KIF26B: variants seen among roughly 807,000 people sequenced by gnomAD.
The protein encoded by KIF26B is kinesin family member 26B.
In KIF26B, 63 loss-of-function variants were observed where a neutral mutation model predicts 151.2. The observed-to-expected ratio is 0.42, with a 90% CI of 0.34 to 0.51. The LOEUF is 0.51. Among genes scored for constraint, KIF26B ranks in the 20% least tolerant of loss-of-function variants. The probability of loss-of-function intolerance (pLI) is 0.07; values close to 1 mark genes in which losing one functional copy is unlikely to be tolerated. For missense variants in KIF26B, 2,813 were observed against 2,913.6 expected (o/e 0.97, Z 0.79); for synonymous variants, 1,357 against 1,262.1 (o/e 1.08, Z -1.59).
rs868782215 is a variant in KIF26B, at chr1:245,238,734, C to T, written c.465+82051C>T. ...AAATTTAGCTGGGTGTAGTGGCAGG[C>T]GCCTGTAATCTCAGCTACTCGGGAG... On this transcript the variant is annotated intron_variant, in intron 2 of 14. Coordinates refer to ENST00000407071, the MANE Select transcript of KIF26B (RefSeq NM_018012.4). 6.3e-4 allele frequency among the ~76,000 whole-genome samples: 96 copies of T among 151,840 alleles called. 1 individual carries two copies. Among genetic ancestry groups the T allele is most frequent in the Admixed American group, 5.9e-3 (90 of 15,280 alleles).
intron 9 of KIF26B, among the ~76,000 whole-genome samples, chr1:245,617,752 C>T (rs572305390): frequency 4.6e-5 from 7 of 152,230 alleles, no homozygotes; most frequent in East Asian, 1.9e-4. Flanking sequence ...TTCCCATCAC[C>T]GCCTCCGTTT....
chr1:245,205,633 T>C (rs1041725255), intron 2 of KIF26B, among the ~76,000 whole-genome samples: 1 of 152,176 alleles, frequency 6.6e-6, no homozygotes, highest in Non-Finnish European at 1.5e-5. Flanking sequence ...TTCCATGATG[T>C]TCCTGCCACA....
At chr1:245,449,795 A>G (rs951276878) in intron 4 of KIF26B, among the ~76,000 whole-genome samples, 5 of 152,254 alleles carry the variant, frequency 3.3e-5, no homozygotes, top group African/African-American at 1.2e-4. Flanking sequence ...GAGAGGAACA[A>G]TAGACAAACT....
intron 3 of KIF26B, among the ~76,000 whole-genome samples, chr1:245,387,649 G>A (rs144840843): frequency 6.6e-6 from 1 of 152,176 alleles, no homozygotes; most frequent in Non-Finnish European, 1.5e-5. Flanking sequence ...CTATGATCAC[G>A]CCACTGCCCT....
In KIF26B at chr1:245,476,354, CTG is replaced by C. The variant is rs918422217; in HGVS notation, c.1166+56612_1166+56613del. The stretch of plus-strand genomic sequence containing the variant: ...TTACATGCATAGTGATTGCACAACT[CTG>C]TGAATATATGAAAAATCACTTAGCT... On this transcript the variant is annotated intron_variant, in intron 4 of 14. Transcript: ENST00000407071. Among the ~76,000 whole-genome samples the C allele has an allele frequency of 4.0e-5, 6 of 151,730 alleles. 1 individual carries two copies. Among genetic ancestry groups the C allele is most frequent in the Admixed American group, 1.3e-4 (2 of 15,240 alleles).
chr1:245,705,257 C>T lies in KIF26B; in HGVS notation c.*2651C>T, dbSNP rs896577475. On this transcript the variant is annotated 3_prime_UTR_variant, in exon 15 of 15. Coordinates refer to ENST00000407071, the MANE Select transcript of KIF26B (RefSeq NM_018012.4). ...GAGAATGCTTTATGTTGATGTTGTC[C>T]ATTCTCTCTCTCTTCTCTTTGCTTT... 6.6e-6 allele frequency: 1 copy of T among 152,136 alleles called. No homozygotes were observed. The highest frequency in any genetic ancestry group is 2.4e-5 in the African/African-American group (1 of 41,400). The allele number at this position is 152,136 out of a possible 1,614,324, so 9.4% of individuals were successfully genotyped here. A position where few individuals can be genotyped will look rare whatever the true frequency, so the allele number is the denominator to read the frequency against.
intron 14 of KIF26B, among the ~76,000 whole-genome samples, chr1:245,699,852 C>T (rs2044744914): frequency 6.6e-6 from 1 of 152,190 alleles, no homozygotes; most frequent in African/African-American, 2.4e-5. Flanking sequence ...TCTTCCCCAG[C>T]CAGTGTGGAG....
chr1:245,669,494 A>G (rs560881534), intron 10 of KIF26B, among the ~76,000 whole-genome samples: 2 of 152,210 alleles, frequency 1.3e-5, no homozygotes, highest in South Asian at 4.2e-4. Context: ...CCATCACCAC[A>G]CCCAGTTCAC....
intron 3 of KIF26B, among the ~76,000 whole-genome samples, chr1:245,413,790 G>C (rs1674349837): frequency 6.6e-6 from 1 of 152,206 alleles, no homozygotes; most frequent in South Asian, 2.1e-4. Flanking sequence ...CCTCGAGTTA[G>C]GAAGTGGTCC....
chr1:245,411,892 C>T (rs1480966651), intron 3 of KIF26B, among the ~76,000 whole-genome samples: 1 of 152,162 alleles, frequency 6.6e-6, no homozygotes, highest in African/African-American at 2.4e-5. Context: ...AGGTGCCCTC[C>T]GTCCATCATC....
intron 9 of KIF26B, among the ~76,000 whole-genome samples, chr1:245,619,301 G>C (rs992684098): frequency 6.6e-6 from 1 of 152,252 alleles, no homozygotes; most frequent in Non-Finnish European, 1.5e-5. Context: ...CGCTGCGTCA[G>C]TGCTCAGGTC....
chr1:245,434,637 CAGGGGGCAGG>C (rs1300387260), intron 4 of KIF26B, among the ~76,000 whole-genome samples: 2 of 152,146 alleles, frequency 1.3e-5, no homozygotes, highest in Non-Finnish European at 2.9e-5. Context: ...TGCACCCACA[CAGGGGGCAGG>C]CCACTTGGGA....
Position 245,702,489 on chromosome 1 carries a change from C to T in KIF26B, c.6210C>T (p.Ser2070=). 1 of 1,613,876 alleles carries T rather than the reference C, an allele frequency of 6.2e-7. No homozygotes were observed. Among genetic ancestry groups the T allele is most frequent in the Admixed American group, 1.7e-5 (1 of 60,014 alleles). ...FDLEQVWELD[S]LEYLEALECV... Reference sequence around the variant, plus strand: ...TGGAGCAGGTTTGGGAGCTGGATTCCCTGGAGTACCTGGAGGCACTGGAGT... The same window carrying T: ...TGGAGCAGGTTTGGGAGCTGGATTCTCTGGAGTACCTGGAGGCACTGGAGT... Residue 2070 remains serine (S), a synonymous_variant, in exon 15 of 15, where the codon TCC becomes TCT. Transcript: ENST00000407071. The surrounding 1 kb of genome is among the most constrained non-coding windows in gnomAD (Gnocchi z 4.1).
At position 245,367,311 on chromosome 1, in the gene KIF26B, C is replaced by T. The variant is rs767422697; in HGVS notation, c.943C>T (p.Leu315=). ...NSVAIQAHQY[L]DGTWSLSRTN... is the part of the protein sequence containing the mutation. Reference sequence around the variant, plus strand: ...GGTGGCCATCCAGGCTCACCAGTACCTGGATGGCACCTGGTCCCTGTCGAG... The same window carrying T: ...GGTGGCCATCCAGGCTCACCAGTACTTGGATGGCACCTGGTCCCTGTCGAG... The change falls in exon 3 of 15, where the codon CTG becomes TTG. Residue 315 remains leucine, a synonymous_variant. Coordinates refer to ENST00000407071, the MANE Select transcript of KIF26B (RefSeq NM_018012.4). The surrounding 1 kb of genome is among the most constrained non-coding windows in gnomAD (Gnocchi z 4.2). 13 of 1,596,782 alleles carry T rather than the reference C, an allele frequency of 8.1e-6. No homozygotes were observed. The highest frequency in any genetic ancestry group is 1.3e-5 in the African/African-American group (1 of 74,592).
chr1:245,347,824 T>A (rs1049895874), intron 2 of KIF26B, among the ~76,000 whole-genome samples: 5 of 152,254 alleles, frequency 3.3e-5, no homozygotes, highest in African/African-American at 1.2e-4. Context: ...AATCTGATCA[T>A]TATAACACGT....
chr1:245,466,741 C>T (rs994559698), intron 4 of KIF26B, among the ~76,000 whole-genome samples: 1 of 152,106 alleles, frequency 6.6e-6, no homozygotes, highest in African/African-American at 2.4e-5. Context: ...GCCTGGCCAA[C>T]ATGGTGAAAC....
chr1:245,556,229 C>A (rs989406707), intron 5 of KIF26B, among the ~76,000 whole-genome samples: 7 of 135,202 alleles, frequency 5.2e-5, no homozygotes. Context: ...TCCTCCTCTT[C>A]TTCTTCTTCT....
intron 4 of KIF26B, among the ~76,000 whole-genome samples, chr1:245,520,029 C>G (rs1277637998): frequency 1.3e-5 from 2 of 150,492 alleles, no homozygotes; most frequent in Admixed American, 1.3e-4. Flanking sequence ...ATTTAATTAC[C>G]CTGAAAATAT....
intron 2 of KIF26B, among the ~76,000 whole-genome samples, chr1:245,198,960 G>C (rs1669247617): frequency 6.6e-6 from 1 of 152,140 alleles, no homozygotes; most frequent in African/African-American, 2.4e-5. Context: ...GGAGGCGGGA[G>C]AGTGTGGCCG....
Sources: allele counts gnomAD v4.1 joint callset (sites outside exome capture counted in the v4.1 genomes callset), GRCh38; gene constraint gnomAD v4.1.1; non-coding constraint Gnocchi (gnomAD v3.1); transcripts MANE v1.5; gene names NCBI Gene and HGNC (gene_info 2026-07-23, HGNC 2026-07-21).